The following CPNE8 variants were observed in gnomAD, a reference collection of about 807,000 sequenced individuals.
CPNE8 encodes copine 8, also known as copine-8.
In CPNE8, 45 loss-of-function variants were observed where a neutral mutation model predicts 81.5. The ratio of observed to expected loss-of-function variants is 0.55; its 90% CI spans 0.44 to 0.71. The LOEUF (loss-of-function observed/expected upper bound fraction) is 0.71, where lower values mean the gene tolerates loss of function less well. Among genes scored for constraint, CPNE8 ranks in the 30% least tolerant of loss-of-function variants. CPNE8 has a pLI of 0.00. For synonymous variants in CPNE8, 252 were observed against 226.3 expected, an observed-to-expected ratio of 1.11 and a Z score of -1.02; for missense variants, 594 against 672.1, an observed-to-expected ratio of 0.88 and a Z score of 1.28.
chr12:38,863,298 G>T (rs1943868415), intron 3 of CPNE8, among the ~76,000 whole-genome samples: 1 of 152,158 alleles, frequency 6.6e-6, no homozygotes, highest in Admixed American at 6.5e-5. Flanking sequence ...ATTGTAAGTA[G>T]ACATGTATGT....
At chr12:38,669,323 T>C (rs1275620471) in intron 19 of CPNE8, among the ~76,000 whole-genome samples, 3 of 152,230 alleles carry the variant, frequency 2.0e-5, no homozygotes, top group Non-Finnish European at 4.4e-5. Flanking sequence ...TTACTCTTTA[T>C]ATTATCATAC....
intron 6 of CPNE8, among the ~76,000 whole-genome samples, chr12:38,797,981 A>T (rs1025027763): frequency 1.3e-5 from 2 of 152,162 alleles, no homozygotes; most frequent in African/African-American, 4.8e-5. Context: ...AAATGAAGCG[A>T]GAAGGGAAGT....
chr12:38,757,606 A>G (rs960534781), intron 10 of CPNE8, among the ~76,000 whole-genome samples: 56 of 152,026 alleles, frequency 3.7e-4, no homozygotes, highest in Admixed American at 2.0e-4. Flanking sequence ...TGCTTTTTAT[A>G]TGGCATCCAC....
At chr12:38,719,271 C>T (rs541933942) in intron 13 of CPNE8, among the ~76,000 whole-genome samples, 1 of 152,142 alleles carries the variant, frequency 6.6e-6, no homozygotes, top group Non-Finnish European at 1.5e-5. Context: ...CAAGCTAGAT[C>T]TCTTTACCAT....
intron 6 of CPNE8, among the ~76,000 whole-genome samples, chr12:38,794,575 A>G (rs993658839): frequency 6.6e-6 from 1 of 152,142 alleles, no homozygotes; most frequent in African/African-American, 2.4e-5. Context: ...AATCATTAAG[A>G]AATGGAAATC....
intron 10 of CPNE8, among the ~76,000 whole-genome samples, chr12:38,758,904 A>G (rs1941519298): frequency 6.6e-6 from 1 of 152,198 alleles, no homozygotes; most frequent in Non-Finnish European, 1.5e-5. Context: ...AAGACAATAC[A>G]ATATCTATAA....
intron 6 of CPNE8, among the ~76,000 whole-genome samples, chr12:38,825,985 C>T (rs1943183853): frequency 6.6e-6 from 1 of 152,090 alleles, no homozygotes; most frequent in Admixed American, 6.6e-5. Context: ...GTATCTAATC[C>T]AATTCACTAC....
At chr12:38,778,172 A>C (rs754587144) in intron 6 of CPNE8, among the ~76,000 whole-genome samples, 3 of 152,096 alleles carry the variant, frequency 2.0e-5, no homozygotes, top group Non-Finnish European at 4.4e-5. Flanking sequence ...TCATCCCGAA[A>C]CTACCCCCAA....
chr12:38,786,601 T>C (rs1942193636), intron 6 of CPNE8, among the ~76,000 whole-genome samples: 2 of 152,110 alleles, frequency 1.3e-5, no homozygotes, highest in Admixed American at 6.6e-5. Context: ...TATTAATATA[T>C]ATATATTCCA....
intron 6 of CPNE8, among the ~76,000 whole-genome samples, chr12:38,824,105 T>C (rs1943151004): frequency 6.6e-6 from 1 of 152,118 alleles, no homozygotes; most frequent in African/African-American, 2.4e-5. Flanking sequence ...ACTATTGAAA[T>C]TGCAAAAATC....
At chr12:38,802,841 C>G (rs1167114624) in intron 6 of CPNE8, among the ~76,000 whole-genome samples, 1 of 142,506 alleles carries the variant, frequency 7.0e-6, no homozygotes, top group Non-Finnish European at 1.5e-5. Context: ...ACCGATCCCA[C>G]AGAAATACAA....
intron 4 of CPNE8, among the ~76,000 whole-genome samples, chr12:38,842,766 C>T (rs952463305): frequency 2.0e-5 from 3 of 151,592 alleles, no homozygotes; most frequent in African/African-American, 7.3e-5. Flanking sequence ...TTAGTAGAGA[C>T]GGGGTTTCAC....
At chr12:38,692,687 T>A (rs193270096) in intron 15 of CPNE8, among the ~76,000 whole-genome samples, 4 of 152,256 alleles carry the variant, frequency 2.6e-5, no homozygotes, top group Non-Finnish European at 5.9e-5. Context: ...AAGAAACATA[T>A]GAAAGGAAAA....
intron 11 of CPNE8, among the ~76,000 whole-genome samples, chr12:38,725,329 A>T (rs1302322775): frequency 6.6e-6 from 1 of 152,182 alleles, no homozygotes; most frequent in African/African-American, 2.4e-5. Flanking sequence ...TGACCTCACT[A>T]TTGCTTTATA....
At position 38,730,107 on chromosome 12, in the gene CPNE8, G is replaced by A. The variant is rs1205417190; in HGVS notation, c.798+176C>T. ...TTAAAAATCAAAAACATTTAAATGT[G>A]ACTTGAAGAAGTAATATCATTGAAT... On this transcript the variant is annotated intron_variant, in intron 11 of 19. Coordinates refer to ENST00000331366, the MANE Select transcript of CPNE8 (RefSeq NM_153634.3). Among the ~76,000 whole-genome samples the A allele has an allele frequency of 2.6e-5, 4 of 151,900 alleles. No individual in the cohort carries two copies. The East Asian group carries it at 7.7e-4, about 29-fold the overall frequency.
intron 6 of CPNE8, among the ~76,000 whole-genome samples, chr12:38,796,015 C>T (rs1455806441): frequency 6.6e-6 from 1 of 152,168 alleles, no homozygotes; most frequent in East Asian, 1.9e-4. Flanking sequence ...AATCCCAGCA[C>T]TTTGAGAGGC....
At position 38,766,149 on chromosome 12, in the gene CPNE8, C is replaced by T. The variant is rs371465394; in HGVS notation, c.575+1486G>A. 8.9e-4 allele frequency among the ~76,000 whole-genome samples: 135 copies of T among 152,232 alleles called. No homozygotes were observed. The East Asian group carries it at 9.7e-3, about 11-fold the overall frequency. ...CTGGGATTACAGGCGTGAGCCACCG[C>T]GCCTGGCCGTGAACATCATTTTTAC... On this transcript the variant is annotated intron_variant, in intron 8 of 19. Coordinates refer to ENST00000331366, the MANE Select transcript of CPNE8 (RefSeq NM_153634.3).
At chr12:38,848,758 C>G (rs1943596788) in intron 3 of CPNE8, 96 bp from the exon 4 acceptor site, 1 of 1,358,392 alleles carries the variant, frequency 7.4e-7, no homozygotes, top group South Asian at 1.6e-5. Flanking sequence ...AAAAAACAAG[C>G]AATAAATATC....
At chr12:38,849,635 G>A (rs1943614548) in intron 3 of CPNE8, among the ~76,000 whole-genome samples, 1 of 152,104 alleles carries the variant, frequency 6.6e-6, no homozygotes. Flanking sequence ...GATGACATAG[G>A]ATTTACTAAG....
Sources: gnomAD v4.1 joint callset for allele counts (sites outside exome capture counted in the v4.1 genomes callset) on GRCh38, gnomAD v4.1.1 for gene constraint, MANE v1.5 for transcripts, NCBI Gene and HGNC (gene_info 2026-07-23, HGNC 2026-07-21) for gene names.